The following ANOS1 variants were observed in gnomAD, a reference collection of about 807,000 sequenced individuals.
ANOS1 encodes the protein anosmin-1.
In ANOS1, 6 loss-of-function variants were observed where a neutral mutation model predicts 59.0. The observed-to-expected ratio is 0.10, with a 90% CI of 0.06 to 0.20. The LOEUF (loss-of-function observed/expected upper bound fraction) is 0.20. Ranked by LOEUF, ANOS1 falls within the 10% of genes least tolerant of loss-of-function variation. The pLI, the probability that ANOS1 is intolerant of heterozygous loss-of-function variation, is 1.00. For missense variants in ANOS1, 433 were observed against 542.3 expected, an observed-to-expected ratio of 0.80 and a Z score of 2.00; for synonymous variants, 217 against 223.4, an observed-to-expected ratio of 0.97 and a Z score of 0.25.
At chrX:8,620,070 T>C in intron 3 of ANOS1, among the ~76,000 whole-genome samples, 1 of 112,277 alleles carries the variant, frequency 8.9e-6, no homozygotes, top group East Asian at 2.8e-4. Context: ...AGTGCTGATA[T>C]TACAGGCATT....
chrX:8,689,589 T>C (rs1932574281), intron 2 of ANOS1, among the ~76,000 whole-genome samples: 1 of 109,087 alleles, frequency 9.2e-6, no homozygotes, highest in Non-Finnish European at 1.9e-5. Context: ...ATGCCTGTAG[T>C]CCCAGCCACT....
chrX:8,677,480 G>T (rs1932354742), intron 2 of ANOS1, among the ~76,000 whole-genome samples: 1 of 111,796 alleles, frequency 8.9e-6, no homozygotes, highest in Admixed American at 9.5e-5. Context: ...AAAGATAAAT[G>T]TTGGACGGAT....
chrX:8,716,286 A>G (rs1256069365), intron 1 of ANOS1, among the ~76,000 whole-genome samples: 3 of 112,114 alleles, frequency 2.7e-5, no homozygotes, highest in Non-Finnish European at 3.8e-5. Flanking sequence ...GCCACGACAC[A>G]TCTTCACAAT....
intron 1 of ANOS1, among the ~76,000 whole-genome samples, chrX:8,719,793 G>A (rs1211666653): frequency 9.1e-6 from 1 of 109,935 alleles, no homozygotes. Context: ...AATATTTTCT[G>A]AAGTATTAAC....
rs1293571666 is a variant in ANOS1, at chrX:8,732,124, C to G, written c.-88G>C. On this transcript the variant is annotated 5_prime_UTR_variant, in exon 1 of 14. Transcript: ENST00000262648. ...CGGGGCTGCACTGCTGAGGACCAGGCAGACGCCGCGACTGAGCCGGAAAGT... is the reference window on the plus strand; with the variant it reads ...CGGGGCTGCACTGCTGAGGACCAGGGAGACGCCGCGACTGAGCCGGAAAGT... The G allele has an allele frequency of 1.4e-6, 1 of 711,785 alleles. No homozygotes were observed. The highest frequency in any genetic ancestry group is 2.3e-5 in the African/African-American group (1 of 43,744). 58.7% of individuals were successfully genotyped at this position (711,785 alleles called of 1,213,427 possible). A position where few individuals can be genotyped will look rare whatever the true frequency, so the allele number is the denominator to read the frequency against.
chrX:8,664,239 G>A (rs768471745), intron 2 of ANOS1, among the ~76,000 whole-genome samples: 4 of 111,861 alleles, frequency 3.6e-5, no homozygotes, highest in East Asian at 2.8e-4. Context: ...CGCCCAGGCC[G>A]GAGTGCAGTG....
At chrX:8,638,038 C>T (rs1931600627) in intron 2 of ANOS1, among the ~76,000 whole-genome samples, 1 of 111,676 alleles carries the variant, frequency 9.0e-6, no homozygotes, top group South Asian at 3.7e-4. Context: ...ATTGTTACTC[C>T]AGAGAGGGCT....
At chrX:8,667,008 A>G (rs1405661910) in intron 2 of ANOS1, among the ~76,000 whole-genome samples, 2 of 111,690 alleles carry the variant, frequency 1.8e-5, no homozygotes, top group Non-Finnish European at 3.8e-5. Context: ...TTTGACTATG[A>G]AAAAGTTTCA....
At chrX:8,574,457 T>C (rs966348001) in intron 6 of ANOS1, among the ~76,000 whole-genome samples, 3 of 111,118 alleles carry the variant, frequency 2.7e-5, no homozygotes, top group Non-Finnish European at 3.8e-5. Context: ...GGTGCTGCCA[T>C]GGAGATTAAC....
chrX:8,668,285 T>C (rs774303423), intron 2 of ANOS1, among the ~76,000 whole-genome samples: 5 of 106,313 alleles, frequency 4.7e-5, no homozygotes, highest in Non-Finnish European at 9.6e-5. Context: ...ATATGATGTT[T>C]AGTTTTCCAT....
At position 8,708,033 on chromosome X, in the gene ANOS1, G is replaced by C. The variant is rs963181629; in HGVS notation, c.208-8288C>G. Among the ~76,000 whole-genome samples, 11 of 111,863 alleles carry C rather than the reference G, an allele frequency of 9.8e-5. No homozygotes were observed. In the Admixed American group the frequency reaches 1.0e-3, roughly 11 times the overall value. On this transcript the variant is annotated intron_variant, in intron 1 of 13. Coordinates refer to ENST00000262648, the MANE Select transcript of ANOS1 (RefSeq NM_000216.4). ...GAGGTCAGTATTTCAAGACCAGCCT[G>C]GCCAACATGGTGAGACCCCATCTCT...
intron 8 of ANOS1, among the ~76,000 whole-genome samples, chrX:8,556,536 AACAG>A (rs1227724774): frequency 1.1e-4 from 12 of 111,398 alleles, no homozygotes; most frequent in Admixed American, 5.7e-4. Flanking sequence ...ATACACCAAT[AACAG>A]ACAGAGAGCC....
intron 3 of ANOS1, among the ~76,000 whole-genome samples, chrX:8,608,626 AT>A (rs1252851368): frequency 1.8e-5 from 2 of 112,194 alleles, no homozygotes; most frequent in Non-Finnish European, 3.8e-5. Context: ...AAACTAACTG[AT>A]ATGATTAGGC....
At chrX:8,619,344 G>A (rs1309659482) in intron 3 of ANOS1, among the ~76,000 whole-genome samples, 1 of 111,488 alleles carries the variant, frequency 9.0e-6, no homozygotes, top group Non-Finnish European at 1.9e-5. Flanking sequence ...GGTGGCTCAC[G>A]CCTGTAATCC....
chrX:8,692,120 C>T (rs1319003940), intron 2 of ANOS1, among the ~76,000 whole-genome samples: 2 of 111,439 alleles, frequency 1.8e-5, no homozygotes, highest in Non-Finnish European at 3.8e-5. Context: ...ATCCAGGTTG[C>T]CATCTGTTTT....
At chrX:8,564,039 C>T (rs560584438) in intron 8 of ANOS1, among the ~76,000 whole-genome samples, 2 of 111,345 alleles carry the variant, frequency 1.8e-5, no homozygotes, top group African/African-American at 6.5e-5. Flanking sequence ...GAGAATGGAC[C>T]ATGAGTAGGT....
At chrX:8,608,402 T>C (rs1450411116) in intron 3 of ANOS1, among the ~76,000 whole-genome samples, 1 of 111,996 alleles carries the variant, frequency 8.9e-6, no homozygotes, top group Non-Finnish European at 1.9e-5. Context: ...TACAGTTGTT[T>C]ACTCTTTGAT....
At chrX:8,646,707 G>C (rs961896887) in intron 2 of ANOS1, among the ~76,000 whole-genome samples, 3 of 109,760 alleles carry the variant, frequency 2.7e-5, no homozygotes, top group African/African-American at 1.0e-4. Flanking sequence ...TGCAGCGGGT[G>C]GATTGCTTTG....
chrX:8,643,859 T>C (rs2146859078), intron 2 of ANOS1, among the ~76,000 whole-genome samples: 1 of 111,979 alleles, frequency 8.9e-6, no homozygotes, highest in African/African-American at 3.2e-5. Context: ...CAGCCAACTG[T>C]CCATCAGAAA....
Sources: allele counts gnomAD v4.1 joint callset (sites outside exome capture counted in the v4.1 genomes callset), GRCh38; gene constraint gnomAD v4.1.1; transcripts MANE v1.5; gene names NCBI Gene and HGNC (gene_info 2026-07-23, HGNC 2026-07-21).